Variants in MCRS1 observed in about 807,000 individuals in gnomAD.
MCRS1 encodes microspherule protein 1.
In MCRS1, 22 loss-of-function variants were observed where a neutral mutation model predicts 62.9. The observed-to-expected ratio is 0.35, with a 90% CI of 0.25 to 0.50. MCRS1 has a LOEUF of 0.50. MCRS1 is among the 20% of genes least tolerant of loss of function. MCRS1 has a pLI of 0.98. For missense variants in MCRS1, 456 were observed against 601.1 expected, an observed-to-expected ratio of 0.76 and a Z score of 2.52; for synonymous variants, 244 against 233.5, an observed-to-expected ratio of 1.04 and a Z score of -0.41.
At chr12:49,560,646 G>A (rs1057333222) in intron 8 of MCRS1, among the ~76,000 whole-genome samples, 4 of 152,222 alleles carry the variant, frequency 2.6e-5, no homozygotes, top group African/African-American at 9.7e-5. Context: ...ACACAGCCTT[G>A]AACTAAGCAG....
chr12:49,563,154 A>G lies in MCRS1; in HGVS notation c.667-15T>C. 6.4e-7 allele frequency: 1 copy of G among 1,554,644 alleles called. No homozygotes were observed. On this transcript the variant is annotated splice_polypyrimidine_tract_variant and intron_variant, in intron 7 of 14. Coordinates refer to ENST00000343810, the MANE Select transcript of MCRS1 (RefSeq NM_006337.5). ...GGCTGGCTGGTCTAGAGGGCAAGAA[A>G]CATTCTCTAGGCATCTGGGCTTTTT...
intron 4 of MCRS1, 73 bp from the exon 5 acceptor site, chr12:49,564,968 C>T: frequency 6.7e-7 from 1 of 1,499,942 alleles, no homozygotes; most frequent in Non-Finnish European, 8.9e-7. Context: ...ACTAGAGTTT[C>T]ACATACTCTG....
intron 3 of MCRS1, 110 bp from the exon 4 acceptor site, chr12:49,565,777 G>A (rs1939027115): frequency 1.3e-6 from 2 of 1,494,172 alleles, no homozygotes; most frequent in East Asian, 2.3e-5. Flanking sequence ...ATCTGCTCCA[G>A]CCTGCTTTCA....
At chr12:49,562,231 G>A (rs986883889) in intron 8 of MCRS1, among the ~76,000 whole-genome samples, 1 of 152,232 alleles carries the variant, frequency 6.6e-6, no homozygotes, top group Non-Finnish European at 1.5e-5. Context: ...TGAACTGTGT[G>A]AAAAACTATG....
chr12:49,563,562 G>A lies in MCRS1; in HGVS notation c.558-16C>T, dbSNP rs999403892. 5.2e-5 allele frequency: 82 copies of A among 1,589,396 alleles called. No individual in the cohort carries two copies. The highest frequency in any genetic ancestry group is 6.9e-5 in the Non-Finnish European group (80 of 1,164,106). On this transcript the variant is annotated splice_polypyrimidine_tract_variant and intron_variant, in intron 6 of 14. Transcript: ENST00000343810. ...ACAGGCCAACCTGGACACGGAAAGA[G>A]ACAGAGGGGAGGGGTGAAGGAAAGG...
In MCRS1 at chr12:49,562,867, T is replaced by C. The variant is rs1273959755; in HGVS notation, c.805+134A>G. The C allele has an allele frequency of 3.4e-6, 4 of 1,170,582 alleles. No homozygotes were observed. In the Admixed American group the frequency reaches 1.2e-4, roughly 36 times the overall value. 72.5% of individuals were successfully genotyped at this position (1,170,582 alleles called of 1,614,324 possible). On this transcript the variant is annotated intron_variant, in intron 8 of 14. Transcript: ENST00000343810. ...CTGGAAAGTAGTTTTTTTTGCAATG[T>C]GAGGTGAACAAGACACTGGGGATCA...
At chr12:49,562,954 A>T in intron 8 of MCRS1, 47 bp downstream of exon 8, 1 of 1,562,662 alleles carries the variant, frequency 6.4e-7, no homozygotes, top group Non-Finnish European at 8.7e-7. Context: ...ACACACACAC[A>T]CATGCACGTG....
In MCRS1 at chr12:49,563,196, C is replaced by T. The variant is rs1164416311; in HGVS notation, c.667-57G>A. The T allele has an allele frequency of 2.6e-6, 4 of 1,532,692 alleles. No individual in the cohort carries two copies. In the African/African-American group the frequency reaches 5.6e-5, roughly 21 times the overall value. The allele number at this position is 1,532,692 out of a possible 1,614,324, so 94.9% of individuals were successfully genotyped here. A position where few individuals can be genotyped will look rare whatever the true frequency, so the allele number is the denominator to read the frequency against. ...GGGCTTTTTCACACATGCCTCTCTG[C>T]CTTACCATCTCTACCTCCCACCTCA... On this transcript the variant is annotated intron_variant, in intron 7 of 14. Coordinates refer to ENST00000343810, the MANE Select transcript of MCRS1 (RefSeq NM_006337.5).
chr12:49,558,681 G>A lies in MCRS1; in HGVS notation c.1351C>T (p.Leu451Phe), dbSNP rs1938580188. ...VFLINQDLIA[L>F]IRAEAAKITP... ...ATCTTGGCAGCCTCAGCCCTGATGA[G>A]GGCAATGAGGTCCTGGTTGATAAGG... Residue 451 changes from leucine (L) to phenylalanine (F), a missense_variant, in exon 15 of 15, where the codon CTC becomes TTC. Leu to Phe is a conservative substitution (Grantham distance 22). This residue lies in a region of MCRS1 where 393 missense variants were observed against 523.5 expected (regional missense o/e 0.75). Transcript: ENST00000343810. 3 of 1,613,714 alleles carry A rather than the reference G, an allele frequency of 1.9e-6. No homozygotes were observed. The highest frequency in any genetic ancestry group is 1.3e-5 in the African/African-American group (1 of 74,906).
At chr12:49,565,373 G>A (rs1939001735) in intron 4 of MCRS1, 156 bp downstream of exon 4, 1 of 985,398 alleles carries the variant, frequency 1.0e-6, no homozygotes, top group Non-Finnish European at 1.2e-6. Flanking sequence ...AGTAGGGAGA[G>A]GTGTGTTCCC....
chr12:49,566,965 C>T, intron 1 of MCRS1, 124 bp from the exon 2 acceptor site: 2 of 579,540 alleles, frequency 3.5e-6, no homozygotes, highest in Non-Finnish European at 6.2e-6. Context: ...AGGAAAGAGG[C>T]ATAAGGCCCC....
intron 1 of MCRS1, among the ~76,000 whole-genome samples, chr12:49,567,479 C>T (rs1565795611): frequency 6.6e-6 from 1 of 151,994 alleles, no homozygotes; most frequent in African/African-American, 2.4e-5. Flanking sequence ...TCGTGAGTCC[C>T]CACTTCTAAC....
intron 4 of MCRS1, 21 bp downstream of exon 4, chr12:49,565,508 C>T (rs746768401): frequency 5.8e-6 from 9 of 1,564,726 alleles, no homozygotes; most frequent in Non-Finnish European, 7.8e-6. Context: ...CTCCCATCCC[C>T]TAAGTCTCCC....
In MCRS1 at chr12:49,558,557, T is replaced by C. The variant is rs1938570122; in HGVS notation, c.*86A>G. 1 of 1,425,102 alleles carries C rather than the reference T, an allele frequency of 7.0e-7. No homozygotes were observed. Among genetic ancestry groups the C allele is most frequent in the East Asian group, 2.3e-5 (1 of 43,688 alleles). The allele number at this position is 1,425,102 out of a possible 1,614,324, so 88.3% of individuals were successfully genotyped here. A position where few individuals can be genotyped will look rare whatever the true frequency, so the allele number is the denominator to read the frequency against. On this transcript the variant is annotated 3_prime_UTR_variant, in exon 15 of 15. Transcript: ENST00000343810. ...CTGAGCCTCCCACTGCCCAGGTTTT[T>C]CCAGGAGCCTGAGTTCCCAGCTCAA...
intron 2 of MCRS1, 117 bp from the exon 3 acceptor site, chr12:49,566,332 G>C (rs1296733801): frequency 6.5e-7 from 1 of 1,537,500 alleles, no homozygotes; most frequent in Non-Finnish European, 8.8e-7. Context: ...CTGCCTCCTT[G>C]ACACTTGAGG....
Position 49,559,272 on chromosome 12 carries a change from G to A in MCRS1, c.1116C>T (p.Asn372=). ...EITLGRATKD[N]QIDVDLSLEG... ...CCAGAGACAGGTCCACATCAATCTG[G>A]TTATCCTTGGTTGCTCTGCCCAGGG... is the stretch of plus-strand genomic sequence containing the variant. Residue 372 remains asparagine, a synonymous_variant, in exon 13 of 15, where the codon AAC becomes AAT. Transcript: ENST00000343810. This position sits in a 1 kb window ranked among gnomAD's most constrained non-coding sequence, Gnocchi z 5.2. 3 of 1,614,144 alleles carry A rather than the reference G, an allele frequency of 1.9e-6. No individual in the cohort carries two copies. Among genetic ancestry groups the A allele is most frequent in the Non-Finnish European group, 2.5e-6 (3 of 1,180,002 alleles).
intron 2 of MCRS1, 98 bp from the exon 3 acceptor site, chr12:49,566,313 G>A (rs1200910848): frequency 6.4e-7 from 1 of 1,562,786 alleles, no homozygotes; most frequent in Non-Finnish European, 8.7e-7. Context: ...AGCCCTCTTG[G>A]CCCCTCCCCT....
chr12:49,563,416 C>G (rs182373103), intron 7 of MCRS1, 22 bp downstream of exon 7: 3 of 1,601,688 alleles, frequency 1.9e-6, no homozygotes, highest in Non-Finnish European at 2.6e-6. Context: ...TGATCCTCCA[C>G]CTTCCCAGCC....
At position 49,559,800 on chromosome 12, in the gene MCRS1, C is replaced by T. The variant is rs765989896; in HGVS notation, c.932G>A (p.Arg311His). ...CAGCTGCCGAATCTCTCGCTTCTGGCGCCGGTCAGCCACCATCAGCTCTGG... is the reference window on the plus strand; with the variant it reads ...CAGCTGCCGAATCTCTCGCTTCTGGTGCCGGTCAGCCACCATCAGCTCTGG... ...LEHELMVADR[R>H]QKREIRQLEQ... Residue 311 changes from arginine (R) to histidine (H), a missense_variant, in exon 11 of 15, where the codon CGC becomes CAC. Physicochemically the swap from Arg to His is conservative, Grantham distance 29 (BLOSUM62 0). Coordinates refer to ENST00000343810, the MANE Select transcript of MCRS1 (RefSeq NM_006337.5). This position sits in a 1 kb window ranked among gnomAD's most constrained non-coding sequence, Gnocchi z 5.2. 36 of 1,614,090 alleles carry T rather than the reference C, an allele frequency of 2.2e-5. No individual in the cohort carries two copies. The highest frequency in any genetic ancestry group is 3.3e-4 in the Middle Eastern group (2 of 6,082).
Sources: allele counts gnomAD v4.1 joint callset (sites outside exome capture counted in the v4.1 genomes callset), GRCh38; gene constraint gnomAD v4.1.1; regional missense constraint gnomAD v4.1.1; non-coding constraint Gnocchi (gnomAD v3.1); transcripts MANE v1.5; gene names NCBI Gene and HGNC (gene_info 2026-07-23, HGNC 2026-07-21).